The following SEMA5B variants were observed in gnomAD, a reference collection of about 807,000 sequenced individuals.
The protein encoded by SEMA5B is semaphorin 5B.
A neutral mutation model predicts 135.0 loss-of-function variants in SEMA5B; 66 were observed. That is an observed-to-expected ratio of 0.49 (90% CI 0.40 to 0.60). The LOEUF is 0.60. Among genes scored for constraint, SEMA5B ranks in the 20% least tolerant of loss-of-function variants. SEMA5B has a pLI of 0.00. For missense variants in SEMA5B, 1,501 were observed against 1,566.3 expected, an observed-to-expected ratio of 0.96 and a Z score of 0.70; for synonymous variants, 690 against 639.5, an observed-to-expected ratio of 1.08 and a Z score of -1.19.
chr3:122,928,127 A>T, intron 7 of SEMA5B, 124 bp from the exon 8 acceptor site: 1 of 629,426 alleles, frequency 1.6e-6, no homozygotes, highest in Non-Finnish European at 2.6e-6. Context: ...CTCCAGCGTC[A>T]TCTCACTGCT....
At chr3:122,955,899 G>A (rs954966795) in intron 2 of SEMA5B, among the ~76,000 whole-genome samples, 4 of 152,178 alleles carry the variant, frequency 2.6e-5, no homozygotes, top group Admixed American at 6.5e-5. Context: ...CACCTACTAT[G>A]TGCTGGGCCC....
chr3:122,941,777 C>T (rs546640528), intron 4 of SEMA5B, among the ~76,000 whole-genome samples: 1 of 152,352 alleles, frequency 6.6e-6, no homozygotes, highest in African/African-American at 2.4e-5. Flanking sequence ...TGAAGGATCA[C>T]ATCAAGGCCA....
chr3:122,976,792 G>A (rs1941338196), intron 1 of SEMA5B, among the ~76,000 whole-genome samples: 1 of 152,194 alleles, frequency 6.6e-6, no homozygotes, highest in Non-Finnish European at 1.5e-5. Flanking sequence ...GCTCACACCT[G>A]TAATTCCAGC....
In SEMA5B at chr3:122,912,469, C is replaced by G. The variant is rs539413273; in HGVS notation, c.2726-127G>C. 10 of 863,056 alleles carry G rather than the reference C, an allele frequency of 1.2e-5. No homozygotes were observed. The Admixed American group carries it at 3.2e-4, about 28-fold the overall frequency. 53.5% of individuals were successfully genotyped at this position (863,056 alleles called of 1,614,324 possible). A position where few individuals can be genotyped will look rare whatever the true frequency, so the allele number is the denominator to read the frequency against. On this transcript the variant is annotated intron_variant, in intron 18 of 22. Transcript: ENST00000357599. ...GACCTCAACATCCACCCGATCCACC[C>G]GCCACCCAACAGTCCACTGTTAGGG...
chr3:122,913,138 C>A, intron 17 of SEMA5B, 61 bp downstream of exon 17: 1 of 1,448,028 alleles, frequency 6.9e-7, no homozygotes, highest in Middle Eastern at 2.4e-4. Flanking sequence ...GGGCTCCCGC[C>A]CCCGCCCTCA....
intron 4 of SEMA5B, among the ~76,000 whole-genome samples, chr3:122,941,064 C>T (rs551648115): frequency 6.6e-6 from 1 of 152,296 alleles, no homozygotes; most frequent in South Asian, 2.1e-4. Context: ...CTGACCCACC[C>T]TAAATCCCTT....
Position 122,988,133 on chromosome 3 carries a change from G to A in SEMA5B, c.-38-26832C>T, listed in dbSNP as rs554812416. On this transcript the variant is annotated intron_variant, in intron 1 of 22. Coordinates refer to ENST00000357599, the MANE Select transcript of SEMA5B (RefSeq NM_001031702.4). ...TGATTCTCCCTCTGGGGTGAGACTC[G>A]AGAATCTGCATTTCAAAAAGTCCCC... Among the ~76,000 whole-genome samples the A allele has an allele frequency of 5.3e-5, 8 of 152,226 alleles. No individual in the cohort carries two copies. In the South Asian group the frequency reaches 1.7e-3, roughly 32 times the overall value.
rs1576363878 is a variant in SEMA5B at position 122,955,231 on chromosome 3, C to T, written c.124+5909G>A. Among the ~76,000 whole-genome samples the T allele has an allele frequency of 2.0e-5, 3 of 152,132 alleles. No homozygotes were observed. The East Asian group carries it at 5.8e-4, about 29-fold the overall frequency. On this transcript the variant is annotated intron_variant, in intron 2 of 22. Transcript: ENST00000357599. ...GAGCCAGCTCTGTTCTGTCTACCTC[C>T]AGACTCCTTTCCTATGCTTGCTGTG...
intron 10 of SEMA5B, among the ~76,000 whole-genome samples, 198 bp from the exon 11 acceptor site, chr3:122,922,645 G>A (rs934859436): frequency 3.9e-5 from 6 of 152,236 alleles, no homozygotes; most frequent in African/African-American, 1.4e-4. Context: ...CTAAGAACAG[G>A]AGACTGGGGA....
chr3:122,910,228 G>C lies in SEMA5B; in HGVS notation c.3371C>G (p.Thr1124Arg), dbSNP rs369693926. 1 of 1,614,198 alleles carries C rather than the reference G, an allele frequency of 6.2e-7. No individual in the cohort carries two copies. Among genetic ancestry groups the C allele is most frequent in the Non-Finnish European group, 8.5e-7 (1 of 1,180,020 alleles). Residue 1124 changes from threonine (T) to arginine (R), a missense_variant, in exon 23 of 23, where the codon ACG (threonine) becomes AGG (arginine). Coordinates refer to ENST00000357599, the MANE Select transcript of SEMA5B (RefSeq NM_001031702.4). ...CAGGGGGCTTGGGTAGTAAGTAGTC[G>C]TGTACACATTGGTCTGCTGCAATGG... ...FYPLQQTNVY[T>R]TTYYPSPLNK...
chr3:122,912,269 G>C lies in SEMA5B; in HGVS notation c.2799C>G (p.Arg933=). 1 of 1,612,292 alleles carries C rather than the reference G, an allele frequency of 6.2e-7. No individual in the cohort carries two copies. The highest frequency in any genetic ancestry group is 8.5e-7 in the Non-Finnish European group (1 of 1,179,174). Residue 933 remains arginine, a synonymous_variant, in exon 19 of 23, where the codon CGC becomes CGG. Coordinates refer to ENST00000357599, the MANE Select transcript of SEMA5B (RefSeq NM_001031702.4). ...SASCGGGHYQ[R]TRSCTSPAPS... is the part of the protein sequence containing the mutation. ...GTGCGGGGCTGGTGCAGGAACGGGT[G>C]CGTTGATAGTGACCCCCACCACAGG...
chr3:122,972,926 C>T (rs779356280), intron 1 of SEMA5B, among the ~76,000 whole-genome samples: 43 of 152,192 alleles, frequency 2.8e-4, no homozygotes, highest in Non-Finnish European at 3.5e-4. Flanking sequence ...CTCCCAGAAA[C>T]ACTCTTATTC....
At chr3:122,985,248 T>A (rs1202303494) in intron 1 of SEMA5B, among the ~76,000 whole-genome samples, 1 of 152,166 alleles carries the variant, frequency 6.6e-6, no homozygotes, top group East Asian at 1.9e-4. Context: ...ATCCCAGCAC[T>A]TTGAGAGGCC....
intron 2 of SEMA5B, among the ~76,000 whole-genome samples, chr3:122,959,249 G>A (rs985902698): frequency 2.0e-5 from 3 of 152,128 alleles, no homozygotes; most frequent in Admixed American, 6.5e-5. Flanking sequence ...TATTGTAATC[G>A]TCGCCATTTC....
chr3:122,943,340 G>A lies in SEMA5B; in HGVS notation c.428+96C>T, dbSNP rs562589231. ...CAGCAGAGAGGATGGGGCCCAGCAC[G>A]CGGGGCTGCCCAGGTGAGTTCATCC... On this transcript the variant is annotated intron_variant, in intron 4 of 22. Coordinates refer to ENST00000357599, the MANE Select transcript of SEMA5B (RefSeq NM_001031702.4). The A allele has an allele frequency of 3.3e-5, 27 of 808,800 alleles. 2 individuals are homozygous for A. The South Asian group carries it at 3.7e-4, about 11-fold the overall frequency. 50.1% of individuals were successfully genotyped at this position (808,800 alleles called of 1,614,324 possible). A position where few individuals can be genotyped will look rare whatever the true frequency, so the allele number is the denominator to read the frequency against.
chr3:122,927,119 T>C (rs1938679648), intron 8 of SEMA5B, among the ~76,000 whole-genome samples: 1 of 152,216 alleles, frequency 6.6e-6, no homozygotes, highest in Admixed American at 6.5e-5. Context: ...GCCAACCTAA[T>C]AGTTAGTGAG....
rs560575489 is a variant in SEMA5B at position 122,977,488 on chromosome 3, A to T, written c.-38-16187T>A. On this transcript the variant is annotated intron_variant, in intron 1 of 22. Coordinates refer to ENST00000357599, the MANE Select transcript of SEMA5B (RefSeq NM_001031702.4). Reference sequence around the variant, plus strand: ...ACTTGCTAAGTCTGGCACTCCTAGAACTCAGTCCTGTCTTATGGAGAGCAT... The same window carrying T: ...ACTTGCTAAGTCTGGCACTCCTAGATCTCAGTCCTGTCTTATGGAGAGCAT... Among the ~76,000 whole-genome samples the T allele has an allele frequency of 3.9e-5, 6 of 152,268 alleles. No individual in the cohort carries two copies. In the South Asian group the frequency reaches 1.2e-3, roughly 32 times the overall value.
chr3:123,016,328 C>T (rs777735244), intron 1 of SEMA5B, among the ~76,000 whole-genome samples: 1 of 152,172 alleles, frequency 6.6e-6, no homozygotes, highest in Non-Finnish European at 1.5e-5. Flanking sequence ...ACCTGGGGGA[C>T]CAGTCCCAGG....
At chr3:122,957,399 ATG>A (rs1480786837) in intron 2 of SEMA5B, among the ~76,000 whole-genome samples, 3 of 152,232 alleles carry the variant, frequency 2.0e-5, no homozygotes, top group Admixed American at 6.5e-5. Context: ...AGCAGGGAGA[ATG>A]AGGGATCAGG....
Sources: allele counts gnomAD v4.1 joint callset (sites outside exome capture counted in the v4.1 genomes callset), GRCh38; gene constraint gnomAD v4.1.1; transcripts MANE v1.5; gene names NCBI Gene and HGNC (gene_info 2026-07-23, HGNC 2026-07-21).